The following BCKDK variants were observed in gnomAD, a reference collection of about 807,000 sequenced individuals.
BCKDK encodes the protein branched chain keto acid dehydrogenase kinase.
In BCKDK, 28 loss-of-function variants were observed where a neutral mutation model predicts 43.9. The observed-to-expected ratio is 0.64, with a 90% confidence interval of 0.47 to 0.87. The LOEUF (loss-of-function observed/expected upper bound fraction) is 0.87, where lower values mean the gene tolerates loss of function less well. BCKDK is among the 40% of genes least tolerant of loss of function. The pLI is 0.00. For missense variants in BCKDK, 483 were observed against 581.4 expected, an observed-to-expected ratio of 0.83 and a Z score of 1.74; for synonymous variants, 257 against 234.3, an observed-to-expected ratio of 1.10 and a Z score of -0.88.
rs1450427362 is a variant in BCKDK at position 31,108,412 on chromosome 16, C to G, written c.-245C>G. ...TCACGGCGGCGGAGGGCGCAGGCGG[C>G]TGGGCGCCTGGCGAGTGGACTGTTC... On this transcript the variant is annotated 5_prime_UTR_variant, in exon 1 of 12. Coordinates refer to ENST00000219794, the MANE Select transcript of BCKDK (RefSeq NM_005881.4). The surrounding 1 kb of genome is among the most constrained non-coding windows in gnomAD (Gnocchi z 6.2). 1 of 152,260 alleles carries G rather than the reference C, an allele frequency of 6.6e-6. No individual in the cohort carries two copies. The highest frequency in any genetic ancestry group is 1.9e-4 in the East Asian group (1 of 5,190). The allele number at this position is 152,260 out of a possible 1,614,324, so 9.4% of individuals were successfully genotyped here.
Position 31,112,289 on chromosome 16 carries a change from C to A in BCKDK, c.*24C>A. 1.9e-6 allele frequency: 3 copies of A among 1,604,662 alleles called. No individual in the cohort carries two copies. Among genetic ancestry groups the A allele is most frequent in the Non-Finnish European group, 2.5e-6 (3 of 1,179,908 alleles). On this transcript the variant is annotated 3_prime_UTR_variant, in exon 12 of 12. Transcript: ENST00000219794. This position sits in a 1 kb window ranked among gnomAD's most constrained non-coding sequence, Gnocchi z 5.0. Reference sequence around the variant, plus strand: ...GACCCCACAGCCTTTGGCCTGCTCACCCGACCAGCCTGGGCCGCATTCCCT... The same window carrying A: ...GACCCCACAGCCTTTGGCCTGCTCAACCGACCAGCCTGGGCCGCATTCCCT...
Position 31,109,836 on chromosome 16 carries a change from G to T in BCKDK, c.375+53G>T. On this transcript the variant is annotated intron_variant, in intron 4 of 11. Coordinates refer to ENST00000219794, the MANE Select transcript of BCKDK (RefSeq NM_005881.4). The surrounding 1 kb of genome is among the most constrained non-coding windows in gnomAD (Gnocchi z 5.3). ...GGGCCACCCTGCCCCGGGGGCAAGT[G>T]GGGAGTCTGGGGCCCAGAGTGGCAG... The T allele has an allele frequency of 6.4e-7, 1 of 1,565,090 alleles. No homozygotes were observed.
In BCKDK at chr16:31,110,123, C is replaced by T. The variant is rs765220841; in HGVS notation, c.422C>T (p.Pro141Leu). ...RAFQKLTDFP[P>L]IKDQADEAQY... ...TTCCAGAAGCTGACAGACTTCCCTC[C>T]GGTGAGTGCTGGGCCAGAGCAGGGT... The change falls in exon 5 of 12, where the codon CCG (proline) becomes CTG (leucine). Residue 141 changes from proline to leucine, a missense_variant and splice_region_variant. Coordinates refer to ENST00000219794, the MANE Select transcript of BCKDK (RefSeq NM_005881.4). The surrounding 1 kb of genome is among the most constrained non-coding windows in gnomAD (Gnocchi z 5.4). The T allele has an allele frequency of 2.5e-5, 40 of 1,614,054 alleles. No individual in the cohort carries two copies. Among genetic ancestry groups the T allele is most frequent in the Middle Eastern group, 1.6e-4 (1 of 6,084 alleles).
In BCKDK at chr16:31,111,280, G is replaced by A. The variant is rs770339307; in HGVS notation, c.846-20G>A. On this transcript the variant is annotated intron_variant, in intron 9 of 11. Coordinates refer to ENST00000219794, the MANE Select transcript of BCKDK (RefSeq NM_005881.4). ...AGGAACCGGGGTGCTTGTACCTACT[G>A]GTCTTTCCCCTCTGCATAGAGCCAC... The A allele has an allele frequency of 2.5e-6, 4 of 1,614,122 alleles. No individual in the cohort carries two copies. The highest frequency in any genetic ancestry group is 1.1e-5 in the South Asian group (1 of 91,076).
Position 31,112,539 on chromosome 16 carries a change from T to C in BCKDK, c.*274T>C. 1.7e-6 allele frequency: 1 copy of C among 574,332 alleles called. No homozygotes were observed. The highest frequency in any genetic ancestry group is 3.1e-6 in the Non-Finnish European group (1 of 320,092). 35.6% of individuals were successfully genotyped at this position (574,332 alleles called of 1,614,324 possible). Reference sequence around the variant, plus strand: ...TTCCTGGGGAACCCCCACTCTGACCTGTTATTAAAGTTCACATTTTGAATG... The same window carrying C: ...TTCCTGGGGAACCCCCACTCTGACCCGTTATTAAAGTTCACATTTTGAATG... On this transcript the variant is annotated 3_prime_UTR_variant, in exon 12 of 12. Transcript: ENST00000219794. This position sits in a 1 kb window ranked among gnomAD's most constrained non-coding sequence, Gnocchi z 5.0.
chr16:31,109,403 C>T lies in BCKDK; in HGVS notation c.180C>T (p.Asp60=), dbSNP rs762749721. ...VTSFYNQSAI[D]AAAEKPSVRL... is the part of the protein sequence containing the mutation. Reference sequence around the variant, plus strand: ...CCTTTTACAACCAGTCGGCCATCGACGCGGCAGCGGAGAAGGTGCGCAAGG... The same window carrying T: ...CCTTTTACAACCAGTCGGCCATCGATGCGGCAGCGGAGAAGGTGCGCAAGG... The change falls in exon 2 of 12, where the codon GAC becomes GAT. Residue 60 remains aspartate (D), a synonymous_variant. Transcript: ENST00000219794. This position sits in a 1 kb window ranked among gnomAD's most constrained non-coding sequence, Gnocchi z 5.3. 2.5e-6 allele frequency: 4 copies of T among 1,607,990 alleles called. No homozygotes were observed. The highest frequency in any genetic ancestry group is 1.7e-5 in the Admixed American group (1 of 59,656).
chr16:31,117,347 C>A (rs12716982), downstream of BCKDK: 56,694 of 139,080 alleles, frequency 0.41, 11,690 homozygotes, highest in East Asian at 0.9. Context: ...CCAGCCTGGG[C>A]GACAGAGCAT....
chr16:31,111,118 T>C lies in BCKDK; in HGVS notation c.744T>C (p.Asn248=), dbSNP rs1054098454. 12 of 1,614,144 alleles carry C rather than the reference T, an allele frequency of 7.4e-6. No individual in the cohort carries two copies. Among genetic ancestry groups the C allele is most frequent in the Non-Finnish European group, 1.0e-5 (12 of 1,180,020 alleles). ...GCCTGTGTGAGCACAAGTATGGCAATGCGCCCCGTGTCCGCATCAATGGCC... is the reference window on the plus strand; with the variant it reads ...GCCTGTGTGAGCACAAGTATGGCAACGCGCCCCGTGTCCGCATCAATGGCC... The part of the protein sequence containing the change: ...ARRLCEHKYG[N]APRVRINGHV... The change falls in exon 9 of 12, where the codon AAT becomes AAC. Residue 248 remains asparagine, a synonymous_variant. Coordinates refer to ENST00000219794, the MANE Select transcript of BCKDK (RefSeq NM_005881.4).
chr16:31,114,387 A>G (rs180969305), downstream of BCKDK, among the ~76,000 whole-genome samples: 222 of 143,310 alleles, frequency 1.5e-3, 4 homozygotes, highest in Middle Eastern at 0.015. Flanking sequence ...TAATTTTTCT[A>G]TTTTTAGTAG....
downstream of BCKDK, among the ~76,000 whole-genome samples, chr16:31,114,547 C>G (rs566924804): frequency 6.6e-6 from 1 of 152,014 alleles, no homozygotes; most frequent in Non-Finnish European, 1.5e-5. Context: ...GAGACCCATC[C>G]GCAGGCCCTG....
chr16:31,111,268 C>T, intron 9 of BCKDK, 32 bp from the exon 10 acceptor site: 2 of 1,614,106 alleles, frequency 1.2e-6, no homozygotes, highest in Non-Finnish European at 1.7e-6. Flanking sequence ...AACCGGGGTG[C>T]TTGTACCTAC....
intron 10 of BCKDK, 149 bp downstream of exon 10, chr16:31,111,538 C>T (rs1409673239): frequency 5.4e-6 from 5 of 933,990 alleles, no homozygotes; most frequent in Admixed American, 2.2e-5. Flanking sequence ...CCTGAGATGG[C>T]CATGAGCTGC....
downstream of BCKDK, chr16:31,117,405 A>ATAAATAAATAAATAAATAAAT (rs2057454966): frequency 4.6e-6 from 1 of 216,968 alleles, no homozygotes; most frequent in South Asian, 4.4e-4. Flanking sequence ...AATAAATTAA[A>ATAAATAAATAAATAAATAAAT]AAAAGGTTGA....
At chr16:31,116,145 T>A (rs762803331), downstream of BCKDK, among the ~76,000 whole-genome samples, 3 of 151,588 alleles carry the variant, frequency 2.0e-5, no homozygotes, top group Admixed American at 6.6e-5. Context: ...CTCGATCTTC[T>A]GACCTCGTGA....
At chr16:31,111,498 G>A (rs1037250880) in intron 10 of BCKDK, 109 bp downstream of exon 10, 2 of 1,239,694 alleles carry the variant, frequency 1.6e-6, no homozygotes, top group Non-Finnish European at 1.2e-6. Flanking sequence ...CTGGGACTTG[G>A]TCCCTGACCA....
At chr16:31,111,793 T>C in intron 10 of BCKDK, 76 bp from the exon 11 acceptor site, 2 of 1,568,492 alleles carry the variant, frequency 1.3e-6, no homozygotes, top group Non-Finnish European at 8.7e-7. Context: ...AAGGCAGACT[T>C]TGCACTGTCT....
In BCKDK at chr16:31,109,527, C is replaced by T. The variant is rs2057392534; in HGVS notation, c.212C>T (p.Thr71Met). 8 of 1,614,148 alleles carry T rather than the reference C, an allele frequency of 5.0e-6. No individual in the cohort carries two copies. The highest frequency in any genetic ancestry group is 6.8e-6 in the Non-Finnish European group (8 of 1,180,032). ...CCTCTCTAGCCCTCAGTCCGCCTAA[C>T]GCCCACCATGATGCTCTACGCTGGC... is the stretch of plus-strand genomic sequence containing the variant. ...AAAEKPSVRL[T>M]PTMMLYAGRS... Residue 71 changes from threonine (T) to methionine (M), a missense_variant, in exon 3 of 12, where the codon ACG (threonine) becomes ATG (methionine). Transcript: ENST00000219794. The surrounding 1 kb of genome is among the most constrained non-coding windows in gnomAD (Gnocchi z 5.3).
chr16:31,110,279 G>T lies in BCKDK; in HGVS notation c.498G>T (p.Val166=). 1 of 1,614,020 alleles carries T rather than the reference G, an allele frequency of 6.2e-7. No homozygotes were observed. The highest frequency in any genetic ancestry group is 8.5e-7 in the Non-Finnish European group (1 of 1,180,008). Residue 166 remains valine (V), a synonymous_variant, in exon 6 of 12, where the codon GTG becomes GTT. Transcript: ENST00000219794. The surrounding 1 kb of genome is among the most constrained non-coding windows in gnomAD (Gnocchi z 5.4). ...RQLLDDHKDV[V]TLLAEGLRES... Reference sequence around the variant, plus strand: ...TGCTGGATGACCACAAGGATGTGGTGACCCTCTTGGCAGAGGGCCTACGTG... The same window carrying T: ...TGCTGGATGACCACAAGGATGTGGTTACCCTCTTGGCAGAGGGCCTACGTG...
At position 31,110,124 on chromosome 16, in the gene BCKDK, G is replaced by A. The variant is rs371525409; in HGVS notation, c.423G>A (p.Pro141=). Residue 141 remains proline, a splice_region_variant and synonymous_variant, in exon 5 of 12, where the codon CCG becomes CCA. Coordinates refer to ENST00000219794, the MANE Select transcript of BCKDK (RefSeq NM_005881.4). The surrounding 1 kb of genome is among the most constrained non-coding windows in gnomAD (Gnocchi z 5.4). ...RAFQKLTDFP[P]IKDQADEAQY... is the part of the protein sequence containing the mutation. The stretch of plus-strand genomic sequence containing the variant: ...TCCAGAAGCTGACAGACTTCCCTCC[G>A]GTGAGTGCTGGGCCAGAGCAGGGTG... 6.2e-6 allele frequency: 10 copies of A among 1,614,156 alleles called. No individual in the cohort carries two copies. The highest frequency in any genetic ancestry group is 2.2e-5 in the East Asian group (1 of 44,880).
Sources: allele counts gnomAD v4.1 joint callset (sites outside exome capture counted in the v4.1 genomes callset), GRCh38; gene constraint gnomAD v4.1.1; non-coding constraint Gnocchi (gnomAD v3.1); transcripts MANE v1.5; gene names NCBI Gene and HGNC (gene_info 2026-07-23, HGNC 2026-07-21).